The following ARHGAP40 variants were observed in gnomAD, a reference collection of about 807,000 sequenced individuals.
The protein encoded by ARHGAP40 is rho GTPase-activating protein 40.
A neutral mutation model predicts 73.5 loss-of-function variants in ARHGAP40; 43 were observed. The ratio of observed to expected loss-of-function variants is 0.58; its 90% CI spans 0.46 to 0.75. The LOEUF (loss-of-function observed/expected upper bound fraction) is 0.75. Among genes scored for constraint, ARHGAP40 ranks in the 30% least tolerant of loss-of-function variants. ARHGAP40 has a pLI of 0.00. For missense variants in ARHGAP40, 734 were observed against 861.8 expected (o/e 0.85, Z 1.86); for synonymous variants, 300 against 352.8 (o/e 0.85, Z 1.68).
intron 1 of ARHGAP40, among the ~76,000 whole-genome samples, chr20:38,610,008 C>T (rs1396354087): frequency 6.6e-6 from 1 of 152,238 alleles, no homozygotes; most frequent in Non-Finnish European, 1.5e-5. Flanking sequence ...TGCCTCACCC[C>T]TAGGCCAGCC....
chr20:38,647,915 A>G (rs1025819951), intron 13 of ARHGAP40, among the ~76,000 whole-genome samples: 4 of 152,236 alleles, frequency 2.6e-5, no homozygotes, highest in Non-Finnish European at 5.9e-5. Flanking sequence ...GCTTCCAGGC[A>G]CAGAAAACTG....
At chr20:38,639,120 T>C (rs372584003) in intron 8 of ARHGAP40, 107 bp from the exon 9 acceptor site, 3 of 1,163,684 alleles carry the variant, frequency 2.6e-6, no homozygotes, top group African/African-American at 1.6e-5. Flanking sequence ...GAGGTGCTCT[T>C]GTTGTCCCCA....
At chr20:38,641,237 ACTC>A (rs2042766345) in intron 9 of ARHGAP40, among the ~76,000 whole-genome samples, 1 of 151,110 alleles carries the variant, frequency 6.6e-6, no homozygotes. Context: ...GCTCTGATGA[ACTC>A]CTTCTTTGAA....
At chr20:38,639,164 T>C (rs1389134245) in intron 8 of ARHGAP40, 63 bp from the exon 9 acceptor site, 10 of 1,288,334 alleles carry the variant, frequency 7.8e-6, no homozygotes, top group Admixed American at 2.3e-5. Context: ...CCCAGAGAAG[T>C]GGTAGAGCGA....
At chr20:38,633,114 C>T (rs147380067) in intron 5 of ARHGAP40, among the ~76,000 whole-genome samples, 1,734 of 144,522 alleles carry the variant, frequency 0.012, 27 homozygotes, top group African/African-American at 0.041. Context: ...CAGAGTGAGA[C>T]TCCGTCTCAA....
At chr20:38,639,229 G>T (rs2088997562) in exon 9 of ARHGAP40, 1 of 1,305,474 alleles carries the variant, frequency 7.7e-7, no homozygotes, top group African/African-American at 1.5e-5. Context: ...TCCTGTAGGG[G>T]CTGGAACAGA....
exon 5 of ARHGAP40, chr20:38,629,602 C>G: frequency 7.7e-7 from 1 of 1,305,436 alleles, no homozygotes; most frequent in South Asian, 1.2e-5. Flanking sequence ...TGCAGAGGAG[C>G]AGGCCATCCC....
At chr20:38,608,027 A>G (rs2088782174) in intron 1 of ARHGAP40, among the ~76,000 whole-genome samples, 1 of 151,934 alleles carries the variant, frequency 6.6e-6, no homozygotes, top group South Asian at 2.1e-4. Flanking sequence ...CTCTCAGTTG[A>G]GGAAAAAGGT....
At chr20:38,602,167 C>A in intron 1 of ARHGAP40, 88 bp downstream of exon 1, 1 of 1,185,910 alleles carries the variant, frequency 8.4e-7, no homozygotes. Flanking sequence ...CCCTGTGAGG[C>A]AAGAATCTTC....
chr20:38,644,333 A>G (rs558945869), intron 11 of ARHGAP40, among the ~76,000 whole-genome samples: 66 of 152,066 alleles, frequency 4.3e-4, no homozygotes, highest in African/African-American at 1.5e-3. Context: ...CTGAGTAACA[A>G]GTGACAGCAA....
chr20:38,604,609 T>G (rs2088760215), intron 1 of ARHGAP40, among the ~76,000 whole-genome samples: 1 of 152,188 alleles, frequency 6.6e-6, no homozygotes, highest in South Asian at 2.1e-4. Context: ...TTGGTCAGGC[T>G]GGTCTCGAAC....
chr20:38,616,036 G>T (rs2088835334), intron 1 of ARHGAP40, among the ~76,000 whole-genome samples: 1 of 152,144 alleles, frequency 6.6e-6, no homozygotes, highest in Non-Finnish European at 1.5e-5. Flanking sequence ...AGCTGTCCAG[G>T]GACGGCTCTT....
intron 1 of ARHGAP40, among the ~76,000 whole-genome samples, chr20:38,604,336 AT>A (rs2088758241): frequency 6.6e-6 from 1 of 152,066 alleles, no homozygotes; most frequent in Non-Finnish European, 1.5e-5. Flanking sequence ...AATTTGAACC[AT>A]TCTGTTTATT....
intron 6 of ARHGAP40, among the ~76,000 whole-genome samples, chr20:38,636,020 CA>C (rs1303452503): frequency 6.6e-6 from 1 of 152,096 alleles, no homozygotes; most frequent in Non-Finnish European, 1.5e-5. Flanking sequence ...AGCAGAAGCT[CA>C]GAGGGCAAAC....
At chr20:38,641,127 A>G (rs2089015900) in intron 9 of ARHGAP40, among the ~76,000 whole-genome samples, 2 of 152,094 alleles carry the variant, frequency 1.3e-5, no homozygotes, top group South Asian at 4.2e-4. Context: ...TAGGTAGGTC[A>G]TATGGGGTCG....
chr20:38,621,864 G>A (rs753093373), intron 1 of ARHGAP40, among the ~76,000 whole-genome samples: 1 of 152,096 alleles, frequency 6.6e-6, no homozygotes. Context: ...GAACAGCCTG[G>A]GTAACATGGC....
intron 1 of ARHGAP40, among the ~76,000 whole-genome samples, chr20:38,613,957 C>G (rs968748694): frequency 2.6e-5 from 4 of 152,104 alleles, no homozygotes; most frequent in African/African-American, 9.7e-5. Context: ...AAGTTGTAGC[C>G]ATAGAGGGAT....
chr20:38,622,912 C>T (rs2088880566), intron 1 of ARHGAP40, among the ~76,000 whole-genome samples: 2 of 152,136 alleles, frequency 1.3e-5, no homozygotes, highest in Admixed American at 1.3e-4. Flanking sequence ...TCCTGTGATA[C>T]AAACAGGAGA....
intron 1 of ARHGAP40, chr20:38,615,491 C>T: frequency 1.5e-6 from 1 of 664,322 alleles, no homozygotes; most frequent in Non-Finnish European, 2.8e-6. Flanking sequence ...GCGCGAGTGG[C>T]CAGCTCGGGC....
Sources: allele counts gnomAD v4.1 joint callset (sites outside exome capture counted in the v4.1 genomes callset), GRCh38; gene constraint gnomAD v4.1.1; transcripts MANE v1.5; gene names NCBI Gene and HGNC (gene_info 2026-07-23, HGNC 2026-07-21).